HMGB1: variants seen among roughly 807,000 people sequenced by gnomAD.
HMGB1 encodes high mobility group box 1.
For missense variants in HMGB1, 79 were observed against 253.5 expected (o/e 0.31, Z 4.67); for synonymous variants, 81 against 84.0 (o/e 0.96, Z 0.19).
At chr13:30,498,429 A>C (rs1445126127) in intron 1 of HMGB1, among the ~76,000 whole-genome samples, 1 of 152,096 alleles carries the variant, frequency 6.6e-6, no homozygotes, top group Non-Finnish European at 1.5e-5. Context: ...GGGATGCAGC[A>C]GGAGCGGGAG....
chr13:30,465,706 G>A, intron 1 of HMGB1, 90 bp downstream of exon 1: 8 of 662,480 alleles, frequency 1.2e-5, no homozygotes, highest in Middle Eastern at 7.7e-4. Context: ...ATCCTGACCC[G>A]CCGGCTCCCG....
At chr13:30,462,413 G>A (rs4483702) in intron 4 of HMGB1, 125 bp downstream of exon 4, 1 of 821,874 alleles carries the variant, frequency 1.2e-6, no homozygotes, top group Non-Finnish European at 2.2e-6. Flanking sequence ...TGAAGGATGA[G>A]GACTTATATC....
At chr13:30,464,267 C>T (rs1886563178) in intron 1 of HMGB1, 4 of 985,438 alleles carry the variant, frequency 4.1e-6, no homozygotes, top group Non-Finnish European at 4.8e-6. Context: ...GGTGGCGGTG[C>T]CACCGCGAGG....
intron 1 of HMGB1, among the ~76,000 whole-genome samples, chr13:30,611,749 T>C (rs922047148): frequency 7.2e-5 from 11 of 151,986 alleles, no homozygotes; most frequent in African/African-American, 2.7e-4. Flanking sequence ...TTTATGGCAG[T>C]CCTTTGCACA....
chr13:30,550,114 C>CA (rs199906088), intron 1 of HMGB1, among the ~76,000 whole-genome samples: 1,839 of 152,246 alleles, frequency 0.012, 48 homozygotes, highest in African/African-American at 0.041. Context: ...TGTGTGTGTA[C>CA]TAGTTTTTAA....
At chr13:30,475,821 G>T (rs896746686) in intron 1 of HMGB1, among the ~76,000 whole-genome samples, 2 of 152,170 alleles carry the variant, frequency 1.3e-5, no homozygotes, top group African/African-American at 4.8e-5. Flanking sequence ...TTCCACATGG[G>T]GAGGATGGTT....
intron 1 of HMGB1, among the ~76,000 whole-genome samples, chr13:30,529,629 G>A (rs1038374874): frequency 6.6e-6 from 1 of 152,198 alleles, no homozygotes; most frequent in Non-Finnish European, 1.5e-5. Flanking sequence ...TCCAGATGCT[G>A]AGTCATTATG....
intron 1 of HMGB1, among the ~76,000 whole-genome samples, chr13:30,615,547 A>G (rs1327869159): frequency 2.0e-5 from 3 of 152,206 alleles, no homozygotes; most frequent in Non-Finnish European, 4.4e-5. Flanking sequence ...TTTTGTTGCC[A>G]AGCTTAAGAA....
chr13:30,604,658 TTTTG>T (rs749882737), intron 1 of HMGB1, among the ~76,000 whole-genome samples: 31 of 152,142 alleles, frequency 2.0e-4, no homozygotes, highest in South Asian at 6.2e-4. Context: ...CCCAATGTTT[TTTTG>T]TTTGTTTGTT....
intron 1 of HMGB1, among the ~76,000 whole-genome samples, chr13:30,570,508 G>GT (rs1273709623): frequency 6.6e-6 from 1 of 152,152 alleles, no homozygotes; most frequent in Non-Finnish European, 1.5e-5. Flanking sequence ...TTCAGTAAGT[G>GT]TTTATCAATT....
chr13:30,563,362 A>G (rs557991084), intron 1 of HMGB1, among the ~76,000 whole-genome samples: 5 of 152,282 alleles, frequency 3.3e-5, no homozygotes, highest in Admixed American at 3.3e-4. Flanking sequence ...TAATCCTGGC[A>G]CTTTGGGAGG....
intron 1 of HMGB1, among the ~76,000 whole-genome samples, chr13:30,569,602 G>A (rs1036373971): frequency 6.6e-6 from 1 of 152,102 alleles, no homozygotes; most frequent in African/African-American, 2.4e-5. Flanking sequence ...TCATAAGTGC[G>A]TCACTTGTCT....
At chr13:30,497,154 T>G (rs1027533404) in intron 1 of HMGB1, among the ~76,000 whole-genome samples, 7 of 151,110 alleles carry the variant, frequency 4.6e-5, no homozygotes, top group Admixed American at 6.6e-5. Flanking sequence ...TCAATGCAGA[T>G]GTACTTGTCA....
At chr13:30,503,647 C>CTTTTTTTTTTTTTTTTTTTTTTTTT (rs10590461) in intron 1 of HMGB1, among the ~76,000 whole-genome samples, 1 of 106,438 alleles carries the variant, frequency 9.4e-6, no homozygotes, top group Non-Finnish European at 1.9e-5. Context: ...TACTCAGCTT[C>CTTTTTTTTTTTTTTTTTTTTTTTTT]TTTTTTTTTT....
chr13:30,504,277 T>C (rs1377599368), intron 1 of HMGB1, among the ~76,000 whole-genome samples: 1 of 152,208 alleles, frequency 6.6e-6, no homozygotes, highest in Non-Finnish European at 1.5e-5. Context: ...TTCTTGCTAG[T>C]TGGTTTCTTA....
chr13:30,464,869 T>C (rs1359667943), intron 1 of HMGB1: 1 of 141,992 alleles, frequency 7.0e-6, no homozygotes, highest in South Asian at 2.5e-4. Context: ...GCGCACACAC[T>C]CGGCCATTAC....
intron 1 of HMGB1, among the ~76,000 whole-genome samples, chr13:30,538,497 T>TTC (rs1868586425): frequency 2.1e-5 from 1 of 46,880 alleles, no homozygotes; most frequent in African/African-American, 8.0e-5. Context: ...TTTCTTTCTT[T>TTC]CTTTCTTTCT....
chr13:30,579,251 C>T (rs1388539614), intron 1 of HMGB1, among the ~76,000 whole-genome samples: 3 of 152,196 alleles, frequency 2.0e-5, no homozygotes, highest in Non-Finnish European at 2.9e-5. Context: ...GACAGAATCA[C>T]ATTATATCAT....
intron 1 of HMGB1, among the ~76,000 whole-genome samples, chr13:30,581,797 G>C (rs1199272986): frequency 6.6e-6 from 1 of 152,174 alleles, no homozygotes. Flanking sequence ...ATTTCCCCTT[G>C]TGAACAAGTG....
Sources: gnomAD v4.1 joint callset for allele counts (sites outside exome capture counted in the v4.1 genomes callset) on GRCh38, gnomAD v4.1.1 for gene constraint, MANE v1.5 for transcripts, NCBI Gene and HGNC (gene_info 2026-07-23, HGNC 2026-07-21) for gene names.